Variants in ITM2B observed in about 807,000 individuals in gnomAD.
The protein encoded by ITM2B is ABri/ADan amyloid peptide.
A neutral mutation model predicts 27.8 loss-of-function variants in ITM2B; 11 were observed. That is an observed-to-expected ratio of 0.40 (90% CI 0.25 to 0.66). The LOEUF is 0.66. ITM2B is among the 30% of genes least tolerant of loss of function. ITM2B has a pLI of 0.43. For synonymous variants in ITM2B, 114 were observed against 114.3 expected, an observed-to-expected ratio of 1.00 and a Z score of 0.02; for missense variants, 296 against 328.9, an observed-to-expected ratio of 0.90 and a Z score of 0.77.
At chr13:48,243,429 A>G (rs1011049956) in intron 1 of ITM2B, among the ~76,000 whole-genome samples, 6 of 152,182 alleles carry the variant, frequency 3.9e-5, no homozygotes, top group African/African-American at 1.2e-4. Context: ...AAGCCCTATT[A>G]ATTTTGACAA....
intron 2 of ITM2B, among the ~76,000 whole-genome samples, chr13:48,255,349 T>C (rs1025579225): frequency 1.3e-5 from 2 of 152,064 alleles, no homozygotes; most frequent in African/African-American, 2.4e-5. Flanking sequence ...TGGAGTGCGG[T>C]GGTGCAATCA....
At position 48,267,933 on chromosome 13, in the gene ITM2B, C is replaced by T. The variant is rs571244475; in HGVS notation, c.*6709C>T. On this transcript the variant is annotated 3_prime_UTR_variant, in exon 6 of 6. Coordinates refer to ENST00000647800, the MANE Select transcript of ITM2B (RefSeq NM_021999.5). The stretch of plus-strand genomic sequence containing the variant: ...AGTTTTATAGATAGTTTACATGCAA[C>T]GAAATGCATATATCTTAAGTGTTCA... The T allele has an allele frequency of 1.2e-4, 18 of 152,248 alleles. No individual in the cohort carries two copies. The highest frequency in any genetic ancestry group is 2.6e-4 in the African/African-American group (11 of 41,554). The allele number at this position is 152,248 out of a possible 1,614,324, so 9.4% of individuals were successfully genotyped here. A position where few individuals can be genotyped will look rare whatever the true frequency, so the allele number is the denominator to read the frequency against.
At position 48,269,589 on chromosome 13, in the gene ITM2B, T is replaced by G. The variant is rs963489462; in HGVS notation, c.*8365T>G. The G allele has an allele frequency of 3.3e-5, 5 of 152,394 alleles. No individual in the cohort carries two copies. Among genetic ancestry groups the G allele is most frequent in the African/African-American group, 1.2e-4 (5 of 41,450 alleles). The allele number at this position is 152,394 out of a possible 1,614,324, so 9.4% of individuals were successfully genotyped here. A position where few individuals can be genotyped will look rare whatever the true frequency, so the allele number is the denominator to read the frequency against. Reference sequence around the variant, plus strand: ...TCTACAGCCACACAGCTGCCTCACTTTCCTTTGAACGTACCAAGGGCAATC... The same window carrying G: ...TCTACAGCCACACAGCTGCCTCACTGTCCTTTGAACGTACCAAGGGCAATC... On this transcript the variant is annotated 3_prime_UTR_variant, in exon 6 of 6. Coordinates refer to ENST00000647800, the MANE Select transcript of ITM2B (RefSeq NM_021999.5).
intron 2 of ITM2B, among the ~76,000 whole-genome samples, chr13:48,255,492 A>G (rs1231982912): frequency 6.6e-6 from 1 of 152,008 alleles, no homozygotes; most frequent in Non-Finnish European, 1.5e-5. Context: ...ACAGGGTCTC[A>G]CCATGTTGCC....
intron 1 of ITM2B, among the ~76,000 whole-genome samples, chr13:48,243,391 C>G (rs1951710103): frequency 6.6e-6 from 1 of 152,120 alleles, no homozygotes; most frequent in Non-Finnish European, 1.5e-5. Context: ...TTGCTACCAT[C>G]CTTTGTAATT....
rs1326521170 is a variant in ITM2B at position 48,265,314 on chromosome 13, T to C, written c.*4090T>C. On this transcript the variant is annotated 3_prime_UTR_variant, in exon 6 of 6. Coordinates refer to ENST00000647800, the MANE Select transcript of ITM2B (RefSeq NM_021999.5). ...GTTCTTGCCCTAGTGACTAAGCAGA[T>C]GCAAACGCCTTCTTCTTTCCAAACA... is the stretch of plus-strand genomic sequence containing the variant. 7.2e-5 allele frequency: 11 copies of C among 152,168 alleles called. No homozygotes were observed. The highest frequency in any genetic ancestry group is 7.3e-5 in the Non-Finnish European group (5 of 68,042). The allele number at this position is 152,168 out of a possible 1,614,324, so 9.4% of individuals were successfully genotyped here.
rs1951869636 is a variant in ITM2B, at chr13:48,269,113, G to T, written c.*7889G>T. The stretch of plus-strand genomic sequence containing the variant: ...AGGCAAACTTGATTTTCCTCCCATG[G>T]TTTCCTCATCTCAGCTCCTTTTTTT... On this transcript the variant is annotated 3_prime_UTR_variant, in exon 6 of 6. Transcript: ENST00000647800. 1 of 152,064 alleles carries T rather than the reference G, an allele frequency of 6.6e-6. No homozygotes were observed. Among genetic ancestry groups the T allele is most frequent in the South Asian group, 2.1e-4 (1 of 4,828 alleles). The allele number at this position is 152,064 out of a possible 1,614,324, so 9.4% of individuals were successfully genotyped here. A position where few individuals can be genotyped will look rare whatever the true frequency, so the allele number is the denominator to read the frequency against.
In ITM2B at chr13:48,264,254, C is replaced by T. The variant is rs148519829; in HGVS notation, c.*3030C>T. 3.9e-5 allele frequency: 6 copies of T among 152,196 alleles called. No homozygotes were observed. The highest frequency in any genetic ancestry group is 8.8e-5 in the Non-Finnish European group (6 of 68,010). The allele number at this position is 152,196 out of a possible 1,614,324, so 9.4% of individuals were successfully genotyped here. A position where few individuals can be genotyped will look rare whatever the true frequency, so the allele number is the denominator to read the frequency against. On this transcript the variant is annotated 3_prime_UTR_variant, in exon 6 of 6. Transcript: ENST00000647800. ...ACTGCTATATGTTAGCAAGCAAACA[C>T]TGATCTTGTTTTGTAATGTGTAATT...
chr13:48,253,692 C>T, intron 1 of ITM2B, 116 bp from the exon 2 acceptor site: 3 of 1,066,062 alleles, frequency 2.8e-6, no homozygotes, highest in Non-Finnish European at 4.3e-6. Context: ...GACACAACTC[C>T]TTTGGTCTTT....
chr13:48,239,996 G>A (rs1016066529), intron 1 of ITM2B, among the ~76,000 whole-genome samples: 15 of 152,188 alleles, frequency 9.9e-5, no homozygotes, highest in African/African-American at 3.6e-4. Context: ...TCAGGAAGCA[G>A]CAGCACTAGC....
Position 48,261,277 on chromosome 13 carries a change from C to A in ITM2B, c.*53C>A. The A allele has an allele frequency of 8.2e-7, 1 of 1,216,642 alleles. No homozygotes were observed. The highest frequency in any genetic ancestry group is 1.2e-6 in the Non-Finnish European group (1 of 820,682). The allele number at this position is 1,216,642 out of a possible 1,614,324, so 75.4% of individuals were successfully genotyped here. A position where few individuals can be genotyped will look rare whatever the true frequency, so the allele number is the denominator to read the frequency against. On this transcript the variant is annotated 3_prime_UTR_variant, in exon 6 of 6. Transcript: ENST00000647800. ...AATTAATATCACAGCATAACCCCAC[C>A]CTTTACATTTTGTGCAGTGATTATT...
chr13:48,255,353 G>A (rs1447020922), intron 2 of ITM2B, among the ~76,000 whole-genome samples: 1 of 152,104 alleles, frequency 6.6e-6, no homozygotes, highest in Non-Finnish European at 1.5e-5. Context: ...GTGCGGTGGT[G>A]CAATCACAGC....
rs1477798979 is a variant in ITM2B at position 48,261,452 on chromosome 13, A to G, written c.*228A>G. The G allele has an allele frequency of 4.7e-6, 2 of 428,656 alleles. No homozygotes were observed. Among genetic ancestry groups the G allele is most frequent in the African/African-American group, 4.1e-5 (2 of 48,986 alleles). 26.6% of individuals were successfully genotyped at this position (428,656 alleles called of 1,614,324 possible). ...TTAGTAACTGTATGAAGTCATAGAT[A>G]ATAGTACATGTCACCTTAGGTAGTA... On this transcript the variant is annotated 3_prime_UTR_variant, in exon 6 of 6. Transcript: ENST00000647800.
At position 48,235,071 on chromosome 13, in the gene ITM2B, A is replaced by G. The variant is rs556576944; in HGVS notation, c.117+1594A>G. ...CCTATTAACAAATATAACTGCTCCC[A>G]TTTAGAAAGGAGAGAGTGAGCGAGC... On this transcript the variant is annotated intron_variant, in intron 1 of 5. Coordinates refer to ENST00000647800, the MANE Select transcript of ITM2B (RefSeq NM_021999.5). Among the ~76,000 whole-genome samples the G allele has an allele frequency of 5.3e-5, 8 of 152,294 alleles. No homozygotes were observed. The South Asian group carries it at 1.4e-3, about 28-fold the overall frequency.
At chr13:48,257,880 A>G (rs558114244) in intron 3 of ITM2B, among the ~76,000 whole-genome samples, 1 of 152,332 alleles carries the variant, frequency 6.6e-6, no homozygotes, top group African/African-American at 2.4e-5. Flanking sequence ...GTTAATTTGA[A>G]TAGGTATTAT....
At chr13:48,249,086 T>C (rs950765938) in intron 1 of ITM2B, among the ~76,000 whole-genome samples, 12 of 152,214 alleles carry the variant, frequency 7.9e-5, no homozygotes, top group African/African-American at 2.4e-4. Flanking sequence ...TATAAAGTCA[T>C]ATATCCACCC....
intron 1 of ITM2B, among the ~76,000 whole-genome samples, chr13:48,241,412 A>T (rs1424031511): frequency 1.3e-5 from 2 of 152,144 alleles, no homozygotes; most frequent in African/African-American, 4.8e-5. Flanking sequence ...GGGTTTCACC[A>T]TGTTGACCAG....
chr13:48,246,280 G>C (rs1445063091), intron 1 of ITM2B, among the ~76,000 whole-genome samples: 2 of 152,228 alleles, frequency 1.3e-5, no homozygotes, highest in African/African-American at 2.4e-5. Context: ...GCAGCTTTCT[G>C]TGTAATGCCA....
chr13:48,235,757 T>G (rs572945610), intron 1 of ITM2B, among the ~76,000 whole-genome samples: 2 of 152,370 alleles, frequency 1.3e-5, no homozygotes, highest in African/African-American at 4.8e-5. Context: ...TTTGCCTGGT[T>G]GGTTGAAAGA....
Sources: allele counts gnomAD v4.1 joint callset (sites outside exome capture counted in the v4.1 genomes callset), GRCh38; gene constraint gnomAD v4.1.1; transcripts MANE v1.5; gene names NCBI Gene and HGNC (gene_info 2026-07-23, HGNC 2026-07-21).